The following TBCCD1 variants were observed in gnomAD, a reference collection of about 807,000 sequenced individuals.
The protein encoded by TBCCD1 is TBCC domain containing 1.
TBCCD1 carries 26 observed loss-of-function variants against 53.4 expected under a neutral mutation model. That is an observed-to-expected ratio of 0.49 (90% confidence interval 0.36 to 0.68). TBCCD1 has a LOEUF of 0.68. Ranked by LOEUF, TBCCD1 falls within the 30% of genes least tolerant of loss-of-function variation. The pLI is 0.00. For synonymous variants in TBCCD1, 245 were observed against 241.7 expected, an observed-to-expected ratio of 1.01 and a Z score of -0.13; for missense variants, 558 against 669.5, an observed-to-expected ratio of 0.83 and a Z score of 1.84.
At chr3:186,563,962 G>A in intron 2 of TBCCD1, 32 bp downstream of exon 2, 3 of 1,513,588 alleles carry the variant, frequency 2.0e-6, no homozygotes, top group Non-Finnish European at 2.6e-6. Flanking sequence ...CTTTCCAAAA[G>A]TAATTAAGTA....
At chr3:186,566,605 T>C (rs1418844209) in intron 1 of TBCCD1, among the ~76,000 whole-genome samples, 1 of 152,240 alleles carries the variant, frequency 6.6e-6, no homozygotes, top group Non-Finnish European at 1.5e-5. Context: ...ACTTGAGAAC[T>C]GCATTACTAT....
chr3:186,550,227 C>CAA (rs1313844798), intron 7 of TBCCD1, among the ~76,000 whole-genome samples: 2,562 of 72,192 alleles, frequency 0.035, 94 homozygotes, highest in African/African-American at 0.094. Flanking sequence ...GACTCTGCCT[C>CAA]AAAAAAAAAA....
At chr3:186,559,042 G>A (rs1714623030) in intron 2 of TBCCD1, among the ~76,000 whole-genome samples, 1 of 152,178 alleles carries the variant, frequency 6.6e-6, no homozygotes, top group Non-Finnish European at 1.5e-5. Flanking sequence ...CCTGTGCCTG[G>A]CCAAGAGTTC....
chr3:186,558,292 AAAAC>A (rs1322436501), intron 3 of TBCCD1, 121 bp downstream of exon 3: 35 of 1,243,680 alleles, frequency 2.8e-5, no homozygotes, highest in Non-Finnish European at 3.7e-5. Context: ...AAAAAAGTGA[AAAAC>A]AAAACAAGCC....
intron 7 of TBCCD1, 90 bp downstream of exon 7, chr3:186,551,039 G>A: frequency 1.4e-6 from 2 of 1,384,252 alleles, no homozygotes; most frequent in Admixed American, 2.4e-5. Context: ...AAAAAATTTG[G>A]GCATGTTTAG....
At chr3:186,560,393 A>C (rs1410585967) in intron 2 of TBCCD1, among the ~76,000 whole-genome samples, 2 of 152,242 alleles carry the variant, frequency 1.3e-5, no homozygotes, top group African/African-American at 4.8e-5. Flanking sequence ...CCTATAAGGC[A>C]GAGACTGCTA....
chr3:186,552,456 G>A (rs1231729252), intron 6 of TBCCD1, among the ~76,000 whole-genome samples: 1 of 152,146 alleles, frequency 6.6e-6, no homozygotes, highest in African/African-American at 2.4e-5. Flanking sequence ...CTCCGTAATC[G>A]TATCTCAGTT....
chr3:186,563,054 T>C (rs1714730949), intron 2 of TBCCD1, among the ~76,000 whole-genome samples: 1 of 152,216 alleles, frequency 6.6e-6, no homozygotes, highest in Admixed American at 6.5e-5. Flanking sequence ...TTCATTTGTT[T>C]GTTCTTAATG....
intron 2 of TBCCD1, among the ~76,000 whole-genome samples, chr3:186,559,927 T>C (rs1303128124): frequency 6.6e-6 from 1 of 152,198 alleles, no homozygotes; most frequent in Non-Finnish European, 1.5e-5. Flanking sequence ...TGCACTTCTC[T>C]GTCCCACTCA....
At chr3:186,555,187 A>G in intron 4 of TBCCD1, 103 bp from the exon 5 acceptor site, 1 of 1,122,090 alleles carries the variant, frequency 8.9e-7, no homozygotes, top group South Asian at 1.9e-5. Flanking sequence ...CTCAAATTAG[A>G]TACCACATGT....
At chr3:186,552,241 G>A (rs868299476) in intron 6 of TBCCD1, among the ~76,000 whole-genome samples, 7 of 152,130 alleles carry the variant, frequency 4.6e-5, no homozygotes, top group African/African-American at 1.7e-4. Flanking sequence ...GTTCCAAAGT[G>A]AGAGCGTATT....
upstream of TBCCD1, chr3:186,569,998 A>G (rs1714967742): frequency 3.4e-6 from 2 of 595,500 alleles, no homozygotes; most frequent in Admixed American, 5.2e-5. Context: ...TGATTTACCG[A>G]TTTTTTTCCC....
At position 186,567,248 on chromosome 3, in the gene TBCCD1, G is replaced by T. The variant is rs867748926; in HGVS notation, c.-44+19C>A. 3.9e-5 allele frequency: 6 copies of T among 152,272 alleles called. No homozygotes were observed. Among genetic ancestry groups the T allele is most frequent in the Admixed American group, 2.6e-4 (4 of 15,268 alleles). The allele number at this position is 152,272 out of a possible 1,614,324, so 9.4% of individuals were successfully genotyped here. ...ACTAACCCACACCGCCCTCCCCGGC[G>T]CACCCAGTGCGCGGTTACCTGCTAA... is the stretch of plus-strand genomic sequence containing the variant. On this transcript the variant is annotated intron_variant, in intron 1 of 7. Transcript: ENST00000338733.
chr3:186,549,937 ATACTT>A (rs1714321148), intron 7 of TBCCD1, among the ~76,000 whole-genome samples: 1 of 152,176 alleles, frequency 6.6e-6, no homozygotes, highest in Non-Finnish European at 1.5e-5. Context: ...GCATTTAAAA[ATACTT>A]TAGGCCAGTT....
intron 5 of TBCCD1, 27 bp from the exon 6 acceptor site, chr3:186,554,778 G>A (rs371734612): frequency 6.2e-7 from 1 of 1,600,416 alleles, no homozygotes; most frequent in Non-Finnish European, 8.5e-7. Flanking sequence ...ATGAGGTAAA[G>A]TCCTCTGAAT....
chr3:186,549,225 T>C (rs1241854272), intron 7 of TBCCD1, among the ~76,000 whole-genome samples: 4 of 152,028 alleles, frequency 2.6e-5, no homozygotes, highest in African/African-American at 7.2e-5. Context: ...GAAGTGACGG[T>C]TGCAGTGAGC....
upstream of TBCCD1, among the ~76,000 whole-genome samples, chr3:186,569,694 G>T (rs574181603): frequency 1.3e-5 from 2 of 150,536 alleles, no homozygotes; most frequent in Admixed American, 1.3e-4. Flanking sequence ...TATTAAGGAA[G>T]ATATTAAGAG....
At chr3:186,566,639 T>G (rs1488923943) in intron 1 of TBCCD1, among the ~76,000 whole-genome samples, 1 of 152,204 alleles carries the variant, frequency 6.6e-6, no homozygotes, top group Non-Finnish European at 1.5e-5. Flanking sequence ...GAATCCAGTT[T>G]TGGGAGAATC....
In TBCCD1 at chr3:186,556,644, A is replaced by G. The variant is rs764797209; in HGVS notation, c.624T>C (p.Ala208=). ...STHSSLVSRE[A]VVALSFLIEG... Reference sequence around the variant, plus strand: ...CAATAAGGAAGCTGAGCGCCACAACAGCTTCTCGAGACACTAGACTACTAT... The same window carrying G: ...CAATAAGGAAGCTGAGCGCCACAACGGCTTCTCGAGACACTAGACTACTAT... Residue 208 remains alanine, a synonymous_variant, in exon 4 of 8, where the codon GCT becomes GCC. Transcript: ENST00000338733. 3.1e-6 allele frequency: 5 copies of G among 1,614,060 alleles called. No homozygotes were observed. Among genetic ancestry groups the G allele is most frequent in the Non-Finnish European group, 3.4e-6 (4 of 1,180,034 alleles).
Sources: allele counts gnomAD v4.1 joint callset (sites outside exome capture counted in the v4.1 genomes callset), GRCh38; gene constraint gnomAD v4.1.1; transcripts MANE v1.5; gene names NCBI Gene and HGNC (gene_info 2026-07-23, HGNC 2026-07-21).